Variants in FER observed in about 807,000 individuals in gnomAD.
FER encodes the protein tyrosine-protein kinase Fer.
Under a neutral mutation model 111.0 loss-of-function variants are expected in FER, and 63 were observed. That is an observed-to-expected ratio of 0.57 (90% CI 0.46 to 0.70). The LOEUF (loss-of-function observed/expected upper bound fraction) is 0.70. Ranked by LOEUF, FER falls within the 30% of genes least tolerant of loss-of-function variation. The probability of loss-of-function intolerance (pLI) is 0.00; values close to 1 mark genes in which losing one functional copy is unlikely to be tolerated. For synonymous variants in FER, 327 were observed against 313.9 expected (o/e 1.04, Z -0.44); for missense variants, 914 against 954.0 (o/e 0.96, Z 0.55).
At chr5:109,155,737 AAAAT>A (rs1755303325) in intron 17 of FER, among the ~76,000 whole-genome samples, 1 of 152,038 alleles carries the variant, frequency 6.6e-6, no homozygotes, top group Non-Finnish European at 1.5e-5. Flanking sequence ...AATGGATGAT[AAAAT>A]AGATTGTGAG....
At position 108,874,873 on chromosome 5, in the gene FER, T is replaced by C. The variant is rs149780512; in HGVS notation, c.923+2661T>C. Among the ~76,000 whole-genome samples, 21 of 152,218 alleles carry C rather than the reference T, an allele frequency of 1.4e-4. 1 individual carries two copies. In the East Asian group the frequency reaches 4.0e-3, roughly 29 times the overall value. On this transcript the variant is annotated intron_variant, in intron 8 of 19. Coordinates refer to ENST00000281092, the MANE Select transcript of FER (RefSeq NM_005246.4). Reference sequence around the variant, plus strand: ...ACTTACCAGATTAGAAAACATTAAATAATTGGATAATACCCAGTGTTGTAT... The same window carrying C: ...ACTTACCAGATTAGAAAACATTAAACAATTGGATAATACCCAGTGTTGTAT...
intron 5 of FER, among the ~76,000 whole-genome samples, chr5:108,853,703 A>T (rs1169598352): frequency 6.6e-6 from 1 of 152,158 alleles, no homozygotes; most frequent in African/African-American, 2.4e-5. Flanking sequence ...GAGGTATGAG[A>T]TGAGGTCAGA....
chr5:108,875,990 A>G (rs990866371), intron 8 of FER, among the ~76,000 whole-genome samples: 1 of 152,188 alleles, frequency 6.6e-6, no homozygotes, highest in African/African-American at 2.4e-5. Context: ...TTATGATTTC[A>G]AGTACATTTT....
intron 9 of FER, among the ~76,000 whole-genome samples, chr5:108,890,552 C>T (rs1337871697): frequency 2.0e-5 from 3 of 151,920 alleles, no homozygotes; most frequent in South Asian, 4.2e-4. Context: ...TCCATATGAC[C>T]CTCTGCCTGT....
chr5:108,840,357 A>G (rs1761132531), intron 5 of FER, among the ~76,000 whole-genome samples: 1 of 152,174 alleles, frequency 6.6e-6, no homozygotes, highest in Non-Finnish European at 1.5e-5. Flanking sequence ...CAAAAACCAC[A>G]ATTACTTTTG....
At chr5:108,788,252 T>C (rs1754967691) in intron 2 of FER, among the ~76,000 whole-genome samples, 1 of 152,208 alleles carries the variant, frequency 6.6e-6, no homozygotes, top group Admixed American at 6.5e-5. Flanking sequence ...CCTGTGCTGG[T>C]GCCTGCCTGG....
chr5:109,023,158 T>G (rs923259821), intron 13 of FER, among the ~76,000 whole-genome samples: 10 of 152,078 alleles, frequency 6.6e-5, no homozygotes, highest in African/African-American at 2.4e-4. Context: ...AGACAGAAAG[T>G]GTATGTGTCG....
intron 2 of FER, among the ~76,000 whole-genome samples, chr5:108,769,066 A>G (rs1752621080): frequency 6.6e-6 from 1 of 152,134 alleles, no homozygotes; most frequent in African/African-American, 2.4e-5. Flanking sequence ...ACCTCAGATG[A>G]TCTTTCTGCC....
At chr5:108,910,628 C>T (rs779786888) in intron 10 of FER, among the ~76,000 whole-genome samples, 17 of 151,928 alleles carry the variant, frequency 1.1e-4, no homozygotes, top group South Asian at 2.1e-4. Context: ...CAACCCCCTC[C>T]GCTTCTCCCA....
chr5:108,916,827 C>T (rs1335656099), intron 10 of FER, among the ~76,000 whole-genome samples: 1 of 152,032 alleles, frequency 6.6e-6, no homozygotes, highest in African/African-American at 2.4e-5. Context: ...CGTTTTTGTT[C>T]TCCCTTTGTG....
intron 3 of FER, among the ~76,000 whole-genome samples, chr5:108,800,040 A>T (rs569297148): frequency 6.6e-6 from 1 of 151,882 alleles, no homozygotes; most frequent in Admixed American, 6.5e-5. Flanking sequence ...ATGGGGTTTC[A>T]TCATGTTGGC....
chr5:108,983,452 G>T (rs1762223208), intron 13 of FER, among the ~76,000 whole-genome samples: 1 of 151,984 alleles, frequency 6.6e-6, no homozygotes, highest in Non-Finnish European at 1.5e-5. Flanking sequence ...AGTAGATTTT[G>T]GGCAGAAATA....
intron 17 of FER, among the ~76,000 whole-genome samples, chr5:109,158,058 A>G (rs1410923994): frequency 6.1e-5 from 9 of 147,970 alleles, no homozygotes; most frequent in Admixed American, 5.3e-4. Context: ...TAAAAGAAAA[A>G]AGAAAAAAAA....
intron 9 of FER, among the ~76,000 whole-genome samples, chr5:108,885,785 T>C (rs1028686837): frequency 2.0e-5 from 3 of 151,786 alleles, no homozygotes; most frequent in African/African-American, 4.8e-5. Flanking sequence ...CATTGCAACA[T>C]TAAATGGGAA....
intron 17 of FER, among the ~76,000 whole-genome samples, chr5:109,170,400 G>A (rs1204574172): frequency 6.6e-6 from 1 of 152,084 alleles, no homozygotes; most frequent in Admixed American, 6.6e-5. Context: ...GTATTTCAAA[G>A]AAACCAAAAG....
At chr5:108,826,622 T>A (rs1413262009) in intron 3 of FER, among the ~76,000 whole-genome samples, 1 of 152,222 alleles carries the variant, frequency 6.6e-6, no homozygotes. Flanking sequence ...TAGAATGAAT[T>A]TGGAAGTGTT....
rs574666352 is a variant in FER at position 108,893,239 on chromosome 5, C to A, written c.1047-4420C>A. Among the ~76,000 whole-genome samples, 370 of 151,614 alleles carry A rather than the reference C, an allele frequency of 2.4e-3. 2 individuals are homozygous for A. The highest frequency in any genetic ancestry group is 4.0e-3 in the Non-Finnish European group (271 of 67,892). On this transcript the variant is annotated intron_variant, in intron 9 of 19. Transcript: ENST00000281092. ...GGTAGCTTGATGGGGATGGCATTGA[C>A]TCTATAAATTACTTTGGGCAGTATG...
At chr5:109,092,033 C>T (rs1179153813) in intron 16 of FER, among the ~76,000 whole-genome samples, 1 of 151,912 alleles carries the variant, frequency 6.6e-6, no homozygotes, top group Non-Finnish European at 1.5e-5. Context: ...ATGTCCTCTC[C>T]AGAGGACACG....
intron 16 of FER, among the ~76,000 whole-genome samples, chr5:109,098,924 A>G (rs1747868559): frequency 6.6e-6 from 1 of 151,710 alleles, no homozygotes; most frequent in Non-Finnish European, 1.5e-5. Context: ...TATTTAAAGG[A>G]GAGTTAGGCA....
Sources: gnomAD v4.1 joint callset for allele counts (sites outside exome capture counted in the v4.1 genomes callset) on GRCh38, gnomAD v4.1.1 for gene constraint, MANE v1.5 for transcripts, NCBI Gene and HGNC (gene_info 2026-07-23, HGNC 2026-07-21) for gene names.